ARMC2: variants seen among roughly 807,000 people sequenced by gnomAD.
ARMC2 encodes armadillo repeat containing 2.
ARMC2 carries 67 observed loss-of-function variants against 90.3 expected under a neutral mutation model. That is an observed-to-expected ratio of 0.74 (90% CI 0.61 to 0.91). The LOEUF is 0.91. Among genes scored for constraint, ARMC2 ranks in the 40% least tolerant of loss-of-function variants. The probability of loss-of-function intolerance (pLI) is 0.00; values close to 1 mark genes in which losing one functional copy is unlikely to be tolerated. For missense variants in ARMC2, 920 were observed against 1,030.9 expected, an observed-to-expected ratio of 0.89 and a Z score of 1.47; for synonymous variants, 393 against 393.0, an observed-to-expected ratio of 1.00 and a Z score of 0.00.
chr6:108,961,661 A>G lies in ARMC2; in HGVS notation c.2005A>G (p.Ile669Val), dbSNP rs778875029. 14 of 1,611,126 alleles carry G rather than the reference A, an allele frequency of 8.7e-6. No homozygotes were observed. The highest frequency in any genetic ancestry group is 3.3e-5 in the South Asian group (3 of 90,822). ...ATCTTACTACCAAGTGAAGAATTCC[A>G]TAATTCAAGACAAAAAGCTATATAT... ...NLSYYQVKNS[I>V]IQDKKLYIAE... is the part of the protein sequence containing the mutation. The change falls in exon 14 of 18, where the codon ATA becomes GTA. Residue 669 changes from isoleucine (I) to valine (V), a missense_variant. Ile to Val is a conservative substitution (Grantham distance 29). Coordinates refer to ENST00000392644, the MANE Select transcript of ARMC2 (RefSeq NM_032131.6).
the ARMC2 span, among the ~76,000 whole-genome samples, chr6:109,014,000 T>G: frequency 6.6e-6 from 1 of 151,944 alleles, no homozygotes; most frequent in Non-Finnish European, 1.5e-5. Context: ...TCTTATTTGC[T>G]CTATACTTTT....
At chr6:108,899,664 T>G (rs375909852) in intron 6 of ARMC2, 30 bp from the exon 7 acceptor site, 1 of 1,569,302 alleles carries the variant, frequency 6.4e-7, no homozygotes, top group African/African-American at 1.4e-5. Flanking sequence ...TTTTCATAGC[T>G]TTTTCTCCTG....
intron 17 of ARMC2, among the ~76,000 whole-genome samples, chr6:108,969,737 A>G (rs1032579610): frequency 2.6e-5 from 4 of 152,228 alleles, no homozygotes; most frequent in African/African-American, 9.6e-5. Flanking sequence ...TGATGATTCA[A>G]ATCTTAAAAA....
the ARMC2 span, chr6:108,998,589 T>A: frequency 2.5e-6 from 4 of 1,613,940 alleles, no homozygotes; most frequent in Admixed American, 1.7e-5. Context: ...GATGCAGTAG[T>A]TGCTAACAGA....
intron 12 of ARMC2, among the ~76,000 whole-genome samples, chr6:108,950,386 A>G (rs921404909): frequency 3.9e-5 from 6 of 152,228 alleles, no homozygotes; most frequent in South Asian, 2.1e-4. Context: ...ATGTCTATCA[A>G]TGGTGGATTG....
chr6:108,921,583 A>G (rs975570415), intron 10 of ARMC2, among the ~76,000 whole-genome samples: 1 of 152,244 alleles, frequency 6.6e-6, no homozygotes, highest in Non-Finnish European at 1.5e-5. Flanking sequence ...CCAGAACTGT[A>G]CAAATCATAT....
the ARMC2 span, among the ~76,000 whole-genome samples, chr6:109,052,039 G>A: frequency 1.3e-5 from 2 of 152,140 alleles, no homozygotes; most frequent in Non-Finnish European, 2.9e-5. Flanking sequence ...TTATTAGCTT[G>A]GTGCAAAAGT....
chr6:108,909,605 G>A (rs1446682296), intron 8 of ARMC2, among the ~76,000 whole-genome samples: 15 of 152,016 alleles, frequency 9.9e-5, no homozygotes, highest in African/African-American at 2.9e-4. Context: ...GCGCGATCTC[G>A]GCTCACTGCA....
At chr6:109,003,462 G>C in the ARMC2 span, among the ~76,000 whole-genome samples, 1 of 151,956 alleles carries the variant, frequency 6.6e-6, no homozygotes, top group Non-Finnish European at 1.5e-5. Flanking sequence ...AAGCAGAACA[G>C]GCTTTTAAAA....
chr6:108,933,474 G>A (rs1386179660), intron 11 of ARMC2, among the ~76,000 whole-genome samples: 2 of 152,148 alleles, frequency 1.3e-5, no homozygotes, highest in Non-Finnish European at 2.9e-5. Context: ...GGCTGAGACT[G>A]TGGGGTTTTC....
the ARMC2 span, among the ~76,000 whole-genome samples, chr6:109,010,436 G>A: frequency 6.6e-6 from 1 of 152,108 alleles, no homozygotes; most frequent in South Asian, 2.1e-4. Context: ...TAAGTGCTCA[G>A]GTTAAAAAAC....
chr6:108,854,226 G>C lies in ARMC2; in HGVS notation c.-42G>C, dbSNP rs201876431. On this transcript the variant is annotated splice_region_variant and 5_prime_UTR_variant, in exon 2 of 18. Coordinates refer to ENST00000392644, the MANE Select transcript of ARMC2 (RefSeq NM_032131.6). The stretch of plus-strand genomic sequence containing the variant: ...GGTTTTTGTACCATGTATTTGCAGG[G>C]TGTGGTGTCTATCTGAAGAATATTT... 47 of 1,441,782 alleles carry C rather than the reference G, an allele frequency of 3.3e-5. No individual in the cohort carries two copies. The highest frequency in any genetic ancestry group is 4.4e-5 in the Non-Finnish European group (46 of 1,048,180). 89.3% of individuals were successfully genotyped at this position (1,441,782 alleles called of 1,614,324 possible).
At chr6:108,931,440 G>T (rs765681368) in intron 11 of ARMC2, among the ~76,000 whole-genome samples, 6 of 151,908 alleles carry the variant, frequency 3.9e-5, no homozygotes, top group African/African-American at 1.5e-4. Context: ...TATATACCCA[G>T]TAATAGGATT....
intron 17 of ARMC2, among the ~76,000 whole-genome samples, chr6:108,969,260 G>T (rs1237260746): frequency 6.6e-6 from 1 of 152,192 alleles, no homozygotes; most frequent in Admixed American, 6.5e-5. Context: ...ATAAGAGAAT[G>T]GTCAGGGCGA....
downstream of ARMC2, among the ~76,000 whole-genome samples, chr6:108,978,896 A>G (rs1225783661): frequency 2.0e-5 from 3 of 151,032 alleles, no homozygotes; most frequent in Non-Finnish European, 2.9e-5. Context: ...GTGTCTTTCC[A>G]CATCAGATGG....
chr6:108,884,235 G>A (rs573390321), intron 5 of ARMC2, among the ~76,000 whole-genome samples: 1 of 152,090 alleles, frequency 6.6e-6, no homozygotes, highest in Non-Finnish European at 1.5e-5. Context: ...GCTTACCAGC[G>A]TGTCAGGCCT....
the ARMC2 span, chr6:108,990,789 T>C: frequency 6.2e-7 from 1 of 1,614,104 alleles, no homozygotes; most frequent in Non-Finnish European, 8.5e-7. Context: ...CACATCTGGA[T>C]AAAGGCGATT....
chr6:108,894,603 A>C (rs1771411185), intron 6 of ARMC2, 60 bp downstream of exon 6: 3 of 1,441,582 alleles, frequency 2.1e-6, no homozygotes, highest in East Asian at 2.4e-5. Flanking sequence ...AGATGTTTGC[A>C]CTGAAGATAT....
At chr6:108,964,509 C>T (rs1017903272) in intron 16 of ARMC2, among the ~76,000 whole-genome samples, 197 bp downstream of exon 16, 1 of 152,030 alleles carries the variant, frequency 6.6e-6, no homozygotes, top group African/African-American at 2.4e-5. Context: ...TGTGGTGGCT[C>T]GCACCTGTAA....
Sources: allele counts gnomAD v4.1 joint callset (sites outside exome capture counted in the v4.1 genomes callset), GRCh38; gene constraint gnomAD v4.1.1; transcripts MANE v1.5; gene names NCBI Gene and HGNC (gene_info 2026-07-23, HGNC 2026-07-21).